The following ADAM12 variants were observed in gnomAD, a reference collection of about 807,000 sequenced individuals.
The protein encoded by ADAM12 is disintegrin and metalloproteinase domain-containing protein 12.
A neutral mutation model predicts 106.4 loss-of-function variants in ADAM12; 70 were observed. The observed-to-expected ratio is 0.66, with a 90% CI of 0.54 to 0.80. The LOEUF is 0.80. ADAM12 is among the 30% of genes least tolerant of loss of function. The pLI is 0.00. For missense variants in ADAM12, 1,010 were observed against 1,171.9 expected (o/e 0.86, Z 2.02); for synonymous variants, 420 against 433.5 (o/e 0.97, Z 0.39).
At chr10:126,279,016 G>GA in intron 2 of ADAM12, 28 bp from the exon 3 acceptor site, 1 of 1,575,764 alleles carries the variant, frequency 6.3e-7, no homozygotes, top group Non-Finnish European at 8.7e-7. Context: ...AAAGTCAGTT[G>GA]AAAAACGCTT....
intron 3 of ADAM12, among the ~76,000 whole-genome samples, chr10:126,208,892 G>T (rs1055465157): frequency 2.0e-5 from 3 of 150,442 alleles, no homozygotes; most frequent in Admixed American, 6.6e-5. Context: ...CATCTTTCTG[G>T]TGATCACATC....
At chr10:126,127,785 G>A (rs984272248) in intron 5 of ADAM12, among the ~76,000 whole-genome samples, 1 of 152,214 alleles carries the variant, frequency 6.6e-6, no homozygotes, top group Non-Finnish European at 1.5e-5. Flanking sequence ...AGGAGATGGG[G>A]ACACCAGGAG....
intron 1 of ADAM12, 73 bp downstream of exon 1, chr10:126,387,985 T>G (rs997533252): frequency 5.4e-5 from 64 of 1,179,138 alleles, no homozygotes; most frequent in Non-Finnish European, 6.2e-5. Flanking sequence ...GCCCTGGACC[T>G]CGGCGCGCCC....
At chr10:126,243,484 A>AGTGT (rs1233057795) in intron 3 of ADAM12, among the ~76,000 whole-genome samples, 2 of 137,128 alleles carry the variant, frequency 1.5e-5, no homozygotes, top group African/African-American at 5.1e-5. Flanking sequence ...TGTGTGTGTG[A>AGTGT]GTGTATGTGT....
At chr10:126,033,543 C>T (rs1954006305) in intron 21 of ADAM12, among the ~76,000 whole-genome samples, 3 of 152,140 alleles carry the variant, frequency 2.0e-5, no homozygotes, top group Admixed American at 2.0e-4. Context: ...ACTGGAAAAG[C>T]CTGCTATCTT....
chr10:126,062,602 T>C (rs969509881), intron 14 of ADAM12, among the ~76,000 whole-genome samples: 1 of 152,258 alleles, frequency 6.6e-6, no homozygotes, highest in Middle Eastern at 3.4e-3. Flanking sequence ...AATACCAGCT[T>C]TGGTCACCAT....
chr10:126,141,730 C>T (rs1293087126), intron 4 of ADAM12, among the ~76,000 whole-genome samples: 2 of 151,360 alleles, frequency 1.3e-5, no homozygotes, highest in Non-Finnish European at 2.9e-5. Flanking sequence ...TAAGTGGTAA[C>T]AAAGATGGCT....
rs561861208 is a variant in ADAM12 at position 126,066,287 on chromosome 10, A to G, written c.1413+430T>C. On this transcript the variant is annotated intron_variant, in intron 13 of 22. Transcript: ENST00000448723. The surrounding 1 kb of genome is among the most constrained non-coding windows in gnomAD (Gnocchi z 5.1). The stretch of plus-strand genomic sequence containing the variant: ...AGGACATTAAGATTGAGTTGTTTAT[A>G]CAAAACTTCTGGGACAAGCCAGCAG... Among the ~76,000 whole-genome samples, 115 of 152,330 alleles carry G rather than the reference A, an allele frequency of 7.5e-4. 1 individual carries two copies. Among genetic ancestry groups the G allele is most frequent in the Non-Finnish European group, 1.5e-3 (103 of 68,028 alleles).
intron 3 of ADAM12, among the ~76,000 whole-genome samples, chr10:126,190,564 C>T (rs937778885): frequency 1.3e-5 from 2 of 152,050 alleles, no homozygotes; most frequent in African/African-American, 2.4e-5. Flanking sequence ...GGGAATTTCA[C>T]CAAAATTCAT....
At chr10:126,119,899 T>C (rs1303185636) in intron 5 of ADAM12, among the ~76,000 whole-genome samples, 1 of 152,218 alleles carries the variant, frequency 6.6e-6, no homozygotes, top group East Asian at 1.9e-4. Context: ...AGTGAAGTGC[T>C]TTAATTTAAA....
intron 3 of ADAM12, among the ~76,000 whole-genome samples, chr10:126,162,552 G>C (rs1413029191): frequency 6.6e-6 from 1 of 152,154 alleles, no homozygotes; most frequent in Non-Finnish European, 1.5e-5. Flanking sequence ...AAACACGGAA[G>C]GGACCTGAGC....
intron 5 of ADAM12, among the ~76,000 whole-genome samples, chr10:126,123,644 C>A (rs986845077): frequency 6.6e-6 from 1 of 152,182 alleles, no homozygotes; most frequent in Non-Finnish European, 1.5e-5. Context: ...GCAGCTCCCG[C>A]CATGACCCCA....
intron 21 of ADAM12, among the ~76,000 whole-genome samples, chr10:126,023,747 A>G (rs1215518011): frequency 2.0e-5 from 3 of 152,222 alleles, no homozygotes; most frequent in African/African-American, 7.2e-5. Flanking sequence ...TGAAGCTGAA[A>G]TCACATCACC....
At chr10:126,283,988 A>G (rs550172246) in intron 2 of ADAM12, among the ~76,000 whole-genome samples, 29 of 152,174 alleles carry the variant, frequency 1.9e-4, no homozygotes, top group African/African-American at 7.0e-4. Context: ...GTCCAACTCT[A>G]CTTTAGAGAA....
chr10:126,252,228 TTAGA>T (rs1208654768), intron 3 of ADAM12, among the ~76,000 whole-genome samples: 30 of 63,592 alleles, frequency 4.7e-4, no homozygotes, highest in African/African-American at 1.9e-3. Context: ...GATGGATGGA[TTAGA>T]TGGATGGATT....
intron 3 of ADAM12, among the ~76,000 whole-genome samples, chr10:126,164,152 T>C (rs6597740): frequency 0.65 from 98,269 of 152,076 alleles, 32,259 homozygotes; most frequent in Non-Finnish European, 0.7. Flanking sequence ...ACTTAGAATA[T>C]GAAAAAACTC....
chr10:126,358,618 A>T (rs1855632211), intron 1 of ADAM12, among the ~76,000 whole-genome samples: 1 of 152,210 alleles, frequency 6.6e-6, no homozygotes, highest in South Asian at 2.1e-4. Flanking sequence ...TTTCTATTCA[A>T]CATAGTGTTG....
chr10:126,256,351 T>C (rs142361976), intron 3 of ADAM12, among the ~76,000 whole-genome samples: 13 of 152,286 alleles, frequency 8.5e-5, no homozygotes, highest in African/African-American at 2.9e-4. Context: ...GACCCTTTGT[T>C]TTAGTTTCTA....
chr10:126,212,052 G>A (rs1957913451), intron 3 of ADAM12, among the ~76,000 whole-genome samples: 1 of 152,236 alleles, frequency 6.6e-6, no homozygotes. Context: ...TGGAAAGGTT[G>A]TGAATTTGGG....
Sources: allele counts gnomAD v4.1 joint callset (sites outside exome capture counted in the v4.1 genomes callset), GRCh38; gene constraint gnomAD v4.1.1; non-coding constraint Gnocchi (gnomAD v3.1); transcripts MANE v1.5; gene names NCBI Gene and HGNC (gene_info 2026-07-23, HGNC 2026-07-21).